CPA6: variants seen among roughly 807,000 people sequenced by gnomAD.
CPA6 encodes the protein carboxypeptidase B.
CPA6 carries 58 observed loss-of-function variants against 63.3 expected under a neutral mutation model. That is an observed-to-expected ratio of 0.92 (90% CI 0.74 to 1.14). The LOEUF is 1.14. Ranked by LOEUF, CPA6 falls within the 50% of genes most tolerant of loss-of-function variation. CPA6 has a pLI of 0.00. For synonymous variants in CPA6, 185 were observed against 179.0 expected, an observed-to-expected ratio of 1.03 and a Z score of -0.27; for missense variants, 565 against 526.6, an observed-to-expected ratio of 1.07 and a Z score of -0.71.
At chr8:67,571,906 A>C (rs183163583) in intron 2 of CPA6, among the ~76,000 whole-genome samples, 211 of 152,300 alleles carry the variant, frequency 1.4e-3, no homozygotes, top group Non-Finnish European at 2.1e-3. Flanking sequence ...TGGTTTTTTA[A>C]AAAGATAAAC....
chr8:67,525,742 C>T (rs952761500), intron 2 of CPA6, among the ~76,000 whole-genome samples: 1 of 152,158 alleles, frequency 6.6e-6, no homozygotes, highest in Non-Finnish European at 1.5e-5. Flanking sequence ...ACTGTCAAGA[C>T]AGGTCATTAT....
chr8:67,508,424 T>G (rs1811977231), intron 5 of CPA6, among the ~76,000 whole-genome samples: 1 of 151,836 alleles, frequency 6.6e-6, no homozygotes, highest in South Asian at 2.1e-4. Flanking sequence ...GTGGGTGAAT[T>G]TAAGGTTCCA....
At chr8:67,594,204 G>A (rs180832825) in intron 2 of CPA6, among the ~76,000 whole-genome samples, 1 of 152,164 alleles carries the variant, frequency 6.6e-6, no homozygotes, top group African/African-American at 2.4e-5. Context: ...GAATGTTGAA[G>A]ATTGGCCCCC....
chr8:67,642,041 G>A lies in CPA6; in HGVS notation c.117-17790C>T, dbSNP rs188245381. On this transcript the variant is annotated intron_variant, in intron 1 of 10. Coordinates refer to ENST00000297770, the MANE Select transcript of CPA6 (RefSeq NM_020361.5). ...ATAAAATTTGATTAAAGGACATTAG[G>A]TCGGGCATGGTGGCTCACACCTGTA... Among the ~76,000 whole-genome samples the A allele has an allele frequency of 2.1e-3, 322 of 152,282 alleles. 3 individuals are homozygous for A. The highest frequency in any genetic ancestry group is 7.4e-3 in the African/African-American group (306 of 41,556).
At chr8:67,722,121 G>A (rs773436417) in intron 1 of CPA6, among the ~76,000 whole-genome samples, 24 of 152,226 alleles carry the variant, frequency 1.6e-4, no homozygotes, top group Non-Finnish European at 2.8e-4. Flanking sequence ...CTATTGTTTC[G>A]GGAACTGCCT....
chr8:67,548,758 G>A (rs1812878486), intron 2 of CPA6, among the ~76,000 whole-genome samples: 1 of 152,202 alleles, frequency 6.6e-6, no homozygotes, highest in African/African-American at 2.4e-5. Flanking sequence ...AGGAACAGGG[G>A]TGGTAGGCAA....
chr8:67,475,275 A>T (rs889050149), intron 8 of CPA6, among the ~76,000 whole-genome samples: 1 of 152,210 alleles, frequency 6.6e-6, no homozygotes, highest in Non-Finnish European at 1.5e-5. Context: ...ATACACTATG[A>T]TGAGGATAAA....
chr8:67,491,828 C>T (rs1043783435), intron 6 of CPA6, among the ~76,000 whole-genome samples: 2 of 151,970 alleles, frequency 1.3e-5, no homozygotes, highest in African/African-American at 2.4e-5. Flanking sequence ...ATTTTGGTTA[C>T]CACTGCTACA....
In CPA6 at chr8:67,471,690, T is replaced by A. The variant is rs191891251; in HGVS notation, c.838+12078A>T. On this transcript the variant is annotated intron_variant, in intron 8 of 10. Coordinates refer to ENST00000297770, the MANE Select transcript of CPA6 (RefSeq NM_020361.5). ...CGTTTCAAACAAATATAAAAGGTGG[T>A]AGATAAAAAGAATATCATCATTTAC... Among the ~76,000 whole-genome samples the A allele has an allele frequency of 2.4e-4, 36 of 152,306 alleles. 1 individual carries two copies. The East Asian group carries it at 6.2e-3, about 26-fold the overall frequency.
chr8:67,556,299 T>C (rs73692157), intron 2 of CPA6, among the ~76,000 whole-genome samples: 10,014 of 152,000 alleles, frequency 0.066, 556 homozygotes, highest in African/African-American at 0.14. Flanking sequence ...ACAGATCCTC[T>C]GGGCTTGAGG....
chr8:67,492,428 T>C lies in CPA6; in HGVS notation c.637-7639A>G, dbSNP rs113995206. ...AAGATGCTTATTTCATATTGTAAGCTATACAGAGAGAAGATAATGAGCACA... is the reference window on the plus strand; with the variant it reads ...AAGATGCTTATTTCATATTGTAAGCCATACAGAGAGAAGATAATGAGCACA... On this transcript the variant is annotated intron_variant, in intron 6 of 10. Coordinates refer to ENST00000297770, the MANE Select transcript of CPA6 (RefSeq NM_020361.5). 2.8e-3 allele frequency among the ~76,000 whole-genome samples: 422 copies of C among 152,118 alleles called. 6 individuals carry two copies. The highest frequency in any genetic ancestry group is 9.3e-3 in the African/African-American group (387 of 41,526).
intron 1 of CPA6, among the ~76,000 whole-genome samples, chr8:67,673,388 A>ATT (rs796416371): frequency 1.1e-3 from 144 of 134,002 alleles, no homozygotes; most frequent in Admixed American, 3.0e-3. Context: ...TTATTTATTT[A>ATT]TTTTTTTTTT....
intron 3 of CPA6, 146 bp downstream of exon 3, chr8:67,517,777 G>T: frequency 1.3e-6 from 1 of 784,254 alleles, no homozygotes; most frequent in South Asian, 2.3e-5. Flanking sequence ...GCTCTTCAAG[G>T]TGAATATATT....
chr8:67,427,096 A>G (rs1809904193), intron 10 of CPA6, among the ~76,000 whole-genome samples: 1 of 152,226 alleles, frequency 6.6e-6, no homozygotes. Context: ...TTCTTCCTGC[A>G]TGCAGCAAAC....
intron 2 of CPA6, among the ~76,000 whole-genome samples, chr8:67,533,265 A>G (rs1391690601): frequency 6.6e-6 from 1 of 152,210 alleles, no homozygotes; most frequent in Non-Finnish European, 1.5e-5. Flanking sequence ...CTGTGGCCGT[A>G]AGAAGGGTAG....
chr8:67,666,240 C>T (rs538212348), intron 1 of CPA6, among the ~76,000 whole-genome samples: 3 of 152,202 alleles, frequency 2.0e-5, no homozygotes, highest in Non-Finnish European at 2.9e-5. Flanking sequence ...TATTCTTCCC[C>T]GCTGTGGGAA....
chr8:67,709,477 T>C (rs973322502), intron 1 of CPA6, among the ~76,000 whole-genome samples: 3 of 152,222 alleles, frequency 2.0e-5, no homozygotes. Flanking sequence ...TCATATGGTT[T>C]TGTCACTACT....
At chr8:67,439,470 T>C (rs1270132506) in intron 8 of CPA6, among the ~76,000 whole-genome samples, 1 of 151,826 alleles carries the variant, frequency 6.6e-6, no homozygotes, top group Non-Finnish European at 1.5e-5. Context: ...ATGCGTTTAA[T>C]CCCAGCTACT....
chr8:67,475,864 T>C lies in CPA6; in HGVS notation c.838+7904A>G, dbSNP rs1164354342. On this transcript the variant is annotated intron_variant, in intron 8 of 10. Transcript: ENST00000297770. ...CTTTCTTTCTTTCTTTCTTTCTTTC[T>C]TTCTTTCTTTCTTTCTCCTTTCTTT... Among the ~76,000 whole-genome samples the C allele has an allele frequency of 8.0e-5, 8 of 99,446 alleles. 1 individual carries two copies. The highest frequency in any genetic ancestry group is 6.0e-5 in the Non-Finnish European group (3 of 50,056). 65.2% of individuals were successfully genotyped at this position (99,446 alleles called of 152,430 possible). A position where few individuals can be genotyped will look rare whatever the true frequency, so the allele number is the denominator to read the frequency against.
Sources: gnomAD v4.1 joint callset for allele counts (sites outside exome capture counted in the v4.1 genomes callset) on GRCh38, gnomAD v4.1.1 for gene constraint, MANE v1.5 for transcripts, NCBI Gene and HGNC (gene_info 2026-07-23, HGNC 2026-07-21) for gene names.